COQ8B: variants seen among roughly 807,000 people sequenced by gnomAD.
The protein encoded by COQ8B is atypical kinase COQ8B, mitochondrial.
Under a neutral mutation model 62.0 loss-of-function variants are expected in COQ8B, and 44 were observed. The observed-to-expected ratio is 0.71, with a 90% CI of 0.56 to 0.91. The LOEUF is 0.91. Ranked by LOEUF, COQ8B falls within the 40% of genes least tolerant of loss-of-function variation. The probability of loss-of-function intolerance (pLI) is 0.00; values close to 1 mark genes in which losing one functional copy is unlikely to be tolerated. For synonymous variants in COQ8B, 252 were observed against 289.9 expected, an observed-to-expected ratio of 0.87 and a Z score of 1.33; for missense variants, 649 against 731.6, an observed-to-expected ratio of 0.89 and a Z score of 1.30.
rs760372467 is a variant in COQ8B, at chr19:40,703,834, C to T, written c.598G>A (p.Gly200Ser). The T allele has an allele frequency of 1.4e-5, 22 of 1,611,478 alleles. No homozygotes were observed. Among genetic ancestry groups the T allele is most frequent in the Non-Finnish European group, 1.8e-5 (21 of 1,178,170 alleles). Residue 200 changes from glycine to serine, a missense_variant, in exon 8 of 15, where the codon GGC becomes AGC. By Grantham distance (56) the Gly-to-Ser change is moderately conservative. Coordinates refer to ENST00000324464, the MANE Select transcript of COQ8B (RefSeq NM_024876.4). ...QMLRVLEEELGRDWQAKVASL... is the reference protein window; with the variant it reads ...QMLRVLEEELSRDWQAKVASL... Reference sequence around the variant, plus strand: ...GCCACCTTGGCCTGCCAGTCCCTGCCGAGCTCCTCTTCAAGAACTCTCTGC... The same window carrying T: ...GCCACCTTGGCCTGCCAGTCCCTGCTGAGCTCCTCTTCAAGAACTCTCTGC...
In COQ8B at chr19:40,692,242, G is replaced by T; in HGVS notation, c.1428C>A (p.His476Gln). 6.2e-7 allele frequency: 1 copy of T among 1,611,582 alleles called. No homozygotes were observed. Residue 476 changes from histidine (H) to glutamine (Q), a missense_variant, in exon 15 of 15, where the codon CAC (histidine) becomes CAA (glutamine). Transcript: ENST00000324464. ...TCTCCTCGGGTGGGGGACACAGCCG[G>T]TGCCGCAGCAGCACCGGGATGAGGT... ...IQDLIPVLLR[H>Q]RLCPPPEETY... is the part of the protein sequence containing the mutation.
chr19:40,705,426 G>C lies in COQ8B; in HGVS notation c.389C>G (p.Ser130Cys). 6.3e-7 allele frequency: 1 copy of C among 1,586,976 alleles called. No homozygotes were observed. Among genetic ancestry groups the C allele is most frequent in the Non-Finnish European group, 8.6e-7 (1 of 1,160,402 alleles). ...ATTGGCCTCCGACAGGAAGGGGCTG[G>C]AGTCCAGCCCAGAACCACCCTCTGG... is the stretch of plus-strand genomic sequence containing the variant. Reference protein sequence around the residue: ...LQSEGGSGLDSSPFLSEANAE... With the variant: ...LQSEGGSGLDCSPFLSEANAE... The change falls in exon 6 of 15, where the codon TCC becomes TGC. Residue 130 changes from serine to cysteine, a missense_variant. By Grantham distance (112) the Ser-to-Cys change is moderately radical. Coordinates refer to ENST00000324464, the MANE Select transcript of COQ8B (RefSeq NM_024876.4).
At chr19:40,700,555 C>T (rs566256811) in intron 10 of COQ8B, 104 bp from the exon 11 acceptor site, 639 of 1,373,480 alleles carry the variant, frequency 4.7e-4, no homozygotes, top group Non-Finnish European at 5.8e-4. Flanking sequence ...GAACAGTCTG[C>T]GCCATGCCCT....
chr19:40,704,911 G>T (rs2082088586), intron 7 of COQ8B, 185 bp downstream of exon 7: 1 of 586,188 alleles, frequency 1.7e-6, no homozygotes. Context: ...GAGAGGTCAG[G>T]CTGCTGTTCC....
intron 1 of COQ8B, 172 bp from the exon 2 acceptor site, chr19:40,714,807 G>T: frequency 7.5e-7 from 1 of 1,340,318 alleles, no homozygotes; most frequent in Non-Finnish European, 9.6e-7. Flanking sequence ...GGAACCCTTA[G>T]CTCTTCCTGC....
In COQ8B at chr19:40,716,571, G is replaced by A. The variant is rs1438959958; in HGVS notation, c.-4+16C>T. ...GATACAGAACAAGTACTCTATACAT[G>A]ACAGAGATTTCTTACGGAAAATCCA... On this transcript the variant is annotated intron_variant, in intron 1 of 14. Transcript: ENST00000324464. 6.6e-6 allele frequency: 1 copy of A among 152,254 alleles called. No homozygotes were observed. The highest frequency in any genetic ancestry group is 1.5e-5 in the Non-Finnish European group (1 of 68,058). The allele number at this position is 152,254 out of a possible 1,614,324, so 9.4% of individuals were successfully genotyped here. A position where few individuals can be genotyped will look rare whatever the true frequency, so the allele number is the denominator to read the frequency against.
At chr19:40,704,777 T>C in intron 7 of COQ8B, 1 of 256,058 alleles carries the variant, frequency 3.9e-6, no homozygotes, top group Non-Finnish European at 7.6e-6. Flanking sequence ...AGCTAACACC[T>C]GCATGTTGCT....
chr19:40,713,548 CAAAAAAA>C (rs59738172), intron 4 of COQ8B, among the ~76,000 whole-genome samples: 1 of 90,342 alleles, frequency 1.1e-5, no homozygotes, highest in Non-Finnish European at 2.4e-5. Context: ...TACTCCGTCT[CAAAAAAA>C]AAAAAAAAAA....
intron 7 of COQ8B, chr19:40,704,469 T>G (rs2082085256): frequency 1.3e-5 from 2 of 153,364 alleles, no homozygotes; most frequent in Admixed American, 1.3e-4. Context: ...TTTATTATGC[T>G]CTTATATGTT....
chr19:40,704,003 G>A, intron 7 of COQ8B, 148 bp from the exon 8 acceptor site: 2 of 1,048,934 alleles, frequency 1.9e-6, no homozygotes, highest in Non-Finnish European at 2.7e-6. Flanking sequence ...TGAGGAAACT[G>A]AGGCTCAGAG....
Position 40,695,180 on chromosome 19 carries a change from T to A in COQ8B, c.1209+809A>T, listed in dbSNP as rs150265950. On this transcript the variant is annotated intron_variant, in intron 13 of 14. Transcript: ENST00000324464. ...TAAAAATACAAAAATTAGCCGGGCG[T>A]GGTGGCACATGCCTGTAATCCCAGC... Among the ~76,000 whole-genome samples, 1,242 of 151,354 alleles carry A rather than the reference T, an allele frequency of 8.2e-3. 10 individuals carry two copies. Among genetic ancestry groups the A allele is most frequent in the African/African-American group, 0.027 (1,119 of 41,234 alleles).
At chr19:40,697,851 T>TAGAGAGAGAGAGAGAGAG (rs1290386996) in intron 12 of COQ8B, among the ~76,000 whole-genome samples, 18 of 54,730 alleles carry the variant, frequency 3.3e-4, no homozygotes, top group African/African-American at 1.4e-3. Flanking sequence ...TATATATATA[T>TAGAGAGAGAGAGAGAGAG]AGAGAGAGAG....
intron 1 of COQ8B, chr19:40,714,911 AC>A: frequency 8.2e-7 from 1 of 1,212,994 alleles, no homozygotes; most frequent in Admixed American, 4.2e-5. Flanking sequence ...CTCAGGGGCT[AC>A]CTCTCCACTT....
chr19:40,713,842 A>G (rs1014659108), intron 4 of COQ8B, among the ~76,000 whole-genome samples: 7 of 150,496 alleles, frequency 4.7e-5, no homozygotes, highest in Admixed American at 1.3e-4. Flanking sequence ...GCGCCACTGC[A>G]CTCCAGCCTG....
chr19:40,692,538 C>T (rs2081981274), intron 14 of COQ8B, among the ~76,000 whole-genome samples, 165 bp from the exon 15 acceptor site: 1 of 151,992 alleles, frequency 6.6e-6, no homozygotes, highest in African/African-American at 2.4e-5. Context: ...AGAGCCTGGA[C>T]TAGACAAGCA....
In COQ8B at chr19:40,693,018, T is replaced by A. The variant is rs200743459; in HGVS notation, c.1229A>T (p.Asp410Val). The A allele has an allele frequency of 2.4e-4, 386 of 1,613,876 alleles. 2 individuals carry two copies. The highest frequency in any genetic ancestry group is 5.3e-5 in the Non-Finnish European group (62 of 1,179,862). ...HYIEVVKAAA[D>V]GDRDCVLQKS... ...CTGCAGGACACAGTCTCTGTCTCCATCAGCTGCAGCCTTCACCACCTGGGG... is the reference window on the plus strand; with the variant it reads ...CTGCAGGACACAGTCTCTGTCTCCAACAGCTGCAGCCTTCACCACCTGGGG... The change falls in exon 14 of 15, where the codon GAT becomes GTT. Residue 410 changes from aspartate (D) to valine (V), a missense_variant. Coordinates refer to ENST00000324464, the MANE Select transcript of COQ8B (RefSeq NM_024876.4).
At chr19:40,697,845 T>TAGAGAGAGAGAGAG (rs1370534076) in intron 12 of COQ8B, among the ~76,000 whole-genome samples, 1 of 52,504 alleles carries the variant, frequency 1.9e-5, no homozygotes, top group African/African-American at 9.1e-5. Flanking sequence ...TATATATATA[T>TAGAGAGAGAGAGAG]ATATATAGAG....
Position 40,710,071 on chromosome 19 carries a change from GA to G in COQ8B, c.354del (p.Arg119ValfsTer74). The G allele has an allele frequency of 6.2e-7, 1 of 1,613,824 alleles. No individual in the cohort carries two copies. On this transcript the variant is annotated frameshift_variant, in exon 5 of 15. Coordinates refer to ENST00000324464, the MANE Select transcript of COQ8B (RefSeq NM_024876.4). LOFTEE classifies it high-confidence loss of function. ...GTGGCTCACTCACCTGACTGCAGAC[GA>G]CCTCCTGGCATGGACTTCTTAGCCA... ...AEMAKKSMPG[G>X]RLQSEGGSGL...
In COQ8B at chr19:40,700,103, G is replaced by A; in HGVS notation, c.1107C>T (p.Asn369=). 6.2e-7 allele frequency: 1 copy of A among 1,614,266 alleles called. No homozygotes were observed. The highest frequency in any genetic ancestry group is 8.5e-7 in the Non-Finnish European group (1 of 1,180,044). ...AGGCATCATACAGGAAGTTGGCCCA[G>A]TTGGGGTCAGTCTGCATGAATCGGA... ...FEFRFMQTDP[N]WANFLYDASS... Residue 369 remains asparagine, a synonymous_variant, in exon 12 of 15, where the codon AAC becomes AAT. Coordinates refer to ENST00000324464, the MANE Select transcript of COQ8B (RefSeq NM_024876.4).
Sources: allele counts gnomAD v4.1 joint callset (sites outside exome capture counted in the v4.1 genomes callset), GRCh38; gene constraint gnomAD v4.1.1; transcripts MANE v1.5; gene names NCBI Gene and HGNC (gene_info 2026-07-23, HGNC 2026-07-21).